OR9Q1: variants seen among roughly 807,000 people sequenced by gnomAD.
The protein encoded by OR9Q1 is olfactory receptor family 9 subfamily Q member 1, also known as olfactory receptor 9Q1.
For synonymous variants in OR9Q1, 153 were observed against 148.6 expected, an observed-to-expected ratio of 1.03 and a Z score of -0.22; for missense variants, 374 against 378.8, an observed-to-expected ratio of 0.99 and a Z score of 0.11.
chr11:58,086,321 C>T (rs571319587), intron 2 of OR9Q1, among the ~76,000 whole-genome samples: 54 of 151,822 alleles, frequency 3.6e-4, no homozygotes, highest in Non-Finnish European at 7.1e-4. Flanking sequence ...AATATCACCT[C>T]GCACCTGTTA....
intron 2 of OR9Q1, among the ~76,000 whole-genome samples, chr11:58,141,629 T>C (rs1206067122): frequency 6.6e-6 from 1 of 152,196 alleles, no homozygotes; most frequent in Non-Finnish European, 1.5e-5. Flanking sequence ...GCCAGTGTTT[T>C]ATTGAGGATT....
chr11:58,057,751 G>C (rs1853341826), intron 2 of OR9Q1: 1 of 152,124 alleles, frequency 6.6e-6, no homozygotes, highest in African/African-American at 2.4e-5. Context: ...CCTGCTTCGT[G>C]CTGGACCAGC....
chr11:58,093,648 T>C (rs1174778309), intron 2 of OR9Q1, among the ~76,000 whole-genome samples: 6 of 148,980 alleles, frequency 4.0e-5, no homozygotes. Flanking sequence ...TAGTCCCAGC[T>C]ACTCAGAAGG....
chr11:58,146,750 A>G (rs576494526), intron 2 of OR9Q1, among the ~76,000 whole-genome samples: 5 of 152,314 alleles, frequency 3.3e-5, no homozygotes, highest in Middle Eastern at 3.4e-3. Context: ...AGTATGCCAT[A>G]GTCATGGGTT....
chr11:58,089,708 A>G (rs904854626), intron 2 of OR9Q1, among the ~76,000 whole-genome samples: 2 of 151,928 alleles, frequency 1.3e-5, no homozygotes, highest in South Asian at 2.1e-4. Flanking sequence ...CTGTTGCTTG[A>G]TGGGGATAGC....
intron 2 of OR9Q1, among the ~76,000 whole-genome samples, chr11:58,142,005 A>C (rs990098057): frequency 6.6e-6 from 1 of 152,122 alleles, no homozygotes; most frequent in South Asian, 2.1e-4. Flanking sequence ...CTGGCAATTT[A>C]TGTCTTTATT....
chr11:58,065,112 CAGAG>C (rs1265744776), intron 2 of OR9Q1, among the ~76,000 whole-genome samples: 1 of 152,066 alleles, frequency 6.6e-6, no homozygotes, highest in Non-Finnish European at 1.5e-5. Context: ...AGACACCTGA[CAGAG>C]GGGCTATGGA....
At chr11:58,148,131 A>G (rs1854316821) in intron 2 of OR9Q1, among the ~76,000 whole-genome samples, 1 of 152,160 alleles carries the variant, frequency 6.6e-6, no homozygotes, top group African/African-American at 2.4e-5. Context: ...GTTCTTGATC[A>G]CTTAGAGCGA....
chr11:58,036,135 C>G (rs546583200), intron 1 of OR9Q1, among the ~76,000 whole-genome samples: 2 of 152,230 alleles, frequency 1.3e-5, no homozygotes, highest in African/African-American at 4.8e-5. Flanking sequence ...TTTGATGTCA[C>G]TATTGTCATT....
intron 2 of OR9Q1, among the ~76,000 whole-genome samples, chr11:58,164,095 G>A (rs1170612273): frequency 7.9e-5 from 12 of 152,166 alleles, no homozygotes; most frequent in African/African-American, 2.4e-4. Context: ...AGAGTCTTAC[G>A]CTGGAGCCGG....
intron 2 of OR9Q1, chr11:58,119,445 G>A (rs1230009256): frequency 6.3e-7 from 1 of 1,581,442 alleles, no homozygotes; most frequent in African/African-American, 1.3e-5. Context: ...TCTTGGCCAT[G>A]GAGACAATGT....
chr11:58,179,987 C>T lies in OR9Q1; in HGVS notation c.543C>T (p.Leu181=), dbSNP rs151328020. Reference sequence around the variant, plus strand: ...AGATTGACTTTATTTTCTGTGACCTCCCTCCTCTGTTAAAGTTGACCTGTG... The same window carrying T: ...AGATTGACTTTATTTTCTGTGACCTTCCTCCTCTGTTAAAGTTGACCTGTG... ...TSEIDFIFCD[L]PPLLKLTCGE... is the part of the protein sequence containing the mutation. Residue 181 remains leucine, a synonymous_variant, in exon 3 of 3, where the codon CTC becomes CTT. Transcript: ENST00000335397. 1 of 1,614,044 alleles carries T rather than the reference C, an allele frequency of 6.2e-7. No homozygotes were observed. The highest frequency in any genetic ancestry group is 8.5e-7 in the Non-Finnish European group (1 of 1,180,028).
Position 58,119,717 on chromosome 11 carries a change from A to C in OR9Q1, c.-14-59714A>C, listed in dbSNP as rs148010035. 2.0e-4 allele frequency among the ~76,000 whole-genome samples: 31 copies of C among 152,284 alleles called. No homozygotes were observed. In the East Asian group the frequency reaches 4.4e-3, roughly 22 times the overall value. ...TAAAGATAAGAGGCATACAATTCTT[A>C]GGTTTGGAAGAGACCTAGACAGTAT... On this transcript the variant is annotated intron_variant, in intron 2 of 2. Coordinates refer to ENST00000335397, the MANE Select transcript of OR9Q1 (RefSeq NM_001005212.4).
intron 2 of OR9Q1, among the ~76,000 whole-genome samples, chr11:58,113,163 C>T (rs1853918595): frequency 6.6e-6 from 1 of 152,178 alleles, no homozygotes; most frequent in Non-Finnish European, 1.5e-5. Flanking sequence ...TGAGGTGCTT[C>T]ATTTCATTTT....
chr11:58,118,861 A>G, intron 2 of OR9Q1: 1 of 1,614,034 alleles, frequency 6.2e-7, no homozygotes, highest in Middle Eastern at 1.7e-4. Flanking sequence ...GACAATCTCG[A>G]TGTTTGCTGT....
chr11:58,124,946 G>T (rs1185431575), intron 2 of OR9Q1, among the ~76,000 whole-genome samples: 1 of 152,140 alleles, frequency 6.6e-6, no homozygotes, highest in Non-Finnish European at 1.5e-5. Context: ...TCCTGGAAGA[G>T]ACTAGGACTC....
rs2513723 is a variant in OR9Q1, at chr11:58,024,027, T to C, written c.-170T>C. 0.97 allele frequency: 147,752 copies of C among 152,334 alleles called. 71,810 individuals carry two copies. Among genetic ancestry groups the C allele is most frequent in the East Asian group, 1 (5,180 of 5,182 alleles). The allele number at this position is 152,334 out of a possible 1,614,324, so 9.4% of individuals were successfully genotyped here. A position where few individuals can be genotyped will look rare whatever the true frequency, so the allele number is the denominator to read the frequency against. ...AGCCCAGCAATGTACATGTTATCCT[T>C]CCCGTTTGAAGATGAAGACACTGAG... On this transcript the variant is annotated 5_prime_UTR_variant, in exon 1 of 3. Coordinates refer to ENST00000335397, the MANE Select transcript of OR9Q1 (RefSeq NM_001005212.4).
intron 2 of OR9Q1, among the ~76,000 whole-genome samples, chr11:58,061,330 T>C (rs1282595258): frequency 1.3e-5 from 2 of 148,936 alleles, no homozygotes; most frequent in East Asian, 2.0e-4. Context: ...CAGGCTTGCA[T>C]TGTATCATCA....
intron 2 of OR9Q1, among the ~76,000 whole-genome samples, chr11:58,056,193 G>A (rs1348965895): frequency 6.6e-6 from 1 of 152,138 alleles, no homozygotes; most frequent in East Asian, 1.9e-4. Context: ...TCCCACTATG[G>A]CTAGATTGAA....
Sources: gnomAD v4.1 joint callset for allele counts (sites outside exome capture counted in the v4.1 genomes callset) on GRCh38, gnomAD v4.1.1 for gene constraint, MANE v1.5 for transcripts, NCBI Gene and HGNC (gene_info 2026-07-23, HGNC 2026-07-21) for gene names.